Variants in LIPH observed in about 807,000 individuals in gnomAD.
LIPH encodes lipase H.
LIPH carries 32 observed loss-of-function variants against 47.6 expected under a neutral mutation model. That is an observed-to-expected ratio of 0.67 (90% CI 0.51 to 0.90). The LOEUF (loss-of-function observed/expected upper bound fraction) is 0.90. Among genes scored for constraint, LIPH ranks in the 40% least tolerant of loss-of-function variants. The pLI is 0.00. For synonymous variants in LIPH, 190 were observed against 195.6 expected, an observed-to-expected ratio of 0.97 and a Z score of 0.24; for missense variants, 497 against 541.4, an observed-to-expected ratio of 0.92 and a Z score of 0.81.
chr3:185,529,100 T>C (rs1298691649), intron 3 of LIPH, among the ~76,000 whole-genome samples: 3 of 126,580 alleles, frequency 2.4e-5, no homozygotes, highest in Non-Finnish European at 4.7e-5. Context: ...TTGTTTGAAC[T>C]GGGGAGGCAG....
rs1312329298 is a variant in LIPH at position 185,552,560 on chromosome 3, A to G, written c.-89T>C. 2.1e-6 allele frequency: 2 copies of G among 939,504 alleles called. No homozygotes were observed. The highest frequency in any genetic ancestry group is 1.3e-5 in the South Asian group (1 of 76,048). The allele number at this position is 939,504 out of a possible 1,614,324, so 58.2% of individuals were successfully genotyped here. A position where few individuals can be genotyped will look rare whatever the true frequency, so the allele number is the denominator to read the frequency against. On this transcript the variant is annotated 5_prime_UTR_variant, in exon 1 of 10. Coordinates refer to ENST00000296252, the MANE Select transcript of LIPH (RefSeq NM_139248.3). ...GTTTCCACTGTGGGATTTTGCTCAC[A>G]GTGAGCTCAGACGACTCAGAGGTGT...
At chr3:185,516,870 CT>C (rs1300014041) in intron 7 of LIPH, among the ~76,000 whole-genome samples, 196 bp downstream of exon 7, 1 of 152,200 alleles carries the variant, frequency 6.6e-6, no homozygotes, top group Non-Finnish European at 1.5e-5. Flanking sequence ...GACATTGAGA[CT>C]CAGAGAAGTC....
chr3:185,545,026 A>G (rs1176751671), intron 1 of LIPH, among the ~76,000 whole-genome samples: 1 of 151,870 alleles, frequency 6.6e-6, no homozygotes, highest in Non-Finnish European at 1.5e-5. Flanking sequence ...TGTTATTGTT[A>G]TGGTACAAAG....
chr3:185,510,745 A>T (rs1719536417), intron 9 of LIPH, among the ~76,000 whole-genome samples: 2 of 152,180 alleles, frequency 1.3e-5, no homozygotes, highest in African/African-American at 4.8e-5. Flanking sequence ...AAAATACAAA[A>T]TCACAAATAC....
intron 3 of LIPH, among the ~76,000 whole-genome samples, chr3:185,529,906 A>AAAAGAAGAAAGAAAG (rs1720258370): frequency 1.6e-5 from 2 of 122,602 alleles, no homozygotes; most frequent in African/African-American, 3.2e-5. Context: ...AGAGAGAAAG[A>AAAAGAAGAAAGAAAG]AAAGAAAGAA....
At chr3:185,522,676 A>AAG (rs1197680087) in intron 5 of LIPH, among the ~76,000 whole-genome samples, 1 of 151,064 alleles carries the variant, frequency 6.6e-6, no homozygotes, top group Non-Finnish European at 1.5e-5. Flanking sequence ...GAAAGAAAGA[A>AAG]AGAAAGAAAG....
chr3:185,525,012 C>G (rs916261513), intron 4 of LIPH, among the ~76,000 whole-genome samples: 4 of 151,882 alleles, frequency 2.6e-5, no homozygotes, highest in African/African-American at 4.8e-5. Context: ...GTGGGAGAAT[C>G]GAGGCCAGCC....
chr3:185,530,001 G>C (rs966555731), intron 3 of LIPH, among the ~76,000 whole-genome samples: 7 of 151,190 alleles, frequency 4.6e-5, no homozygotes, highest in Non-Finnish European at 7.4e-5. Context: ...AAAATAAGCA[G>C]TGCCTGGCGC....
chr3:185,528,958 T>C (rs1311050209), intron 3 of LIPH, among the ~76,000 whole-genome samples: 2 of 147,528 alleles, frequency 1.4e-5, no homozygotes, highest in East Asian at 2.0e-4. Flanking sequence ...GGACAGGAGA[T>C]TGAGACCATC....
At chr3:185,525,673 G>A (rs900680223) in intron 4 of LIPH, among the ~76,000 whole-genome samples, 2 of 152,074 alleles carry the variant, frequency 1.3e-5, no homozygotes, top group Non-Finnish European at 2.9e-5. Flanking sequence ...CATTAGAAAG[G>A]GCAAAACCTG....
At chr3:185,517,562 C>A (rs1211758325) in intron 6 of LIPH, among the ~76,000 whole-genome samples, 1 of 152,192 alleles carries the variant, frequency 6.6e-6, no homozygotes, top group Non-Finnish European at 1.5e-5. Flanking sequence ...TGAAGAACTA[C>A]AATGGGGCCC....
intron 3 of LIPH, among the ~76,000 whole-genome samples, chr3:185,529,223 AG>A (rs1720231102): frequency 6.7e-6 from 1 of 148,900 alleles, no homozygotes; most frequent in African/African-American, 2.5e-5. Flanking sequence ...GAAAGAAAAA[AG>A]GAAAAAAAAA....
intron 4 of LIPH, 64 bp from the exon 5 acceptor site, chr3:185,524,224 C>T: frequency 1.1e-6 from 1 of 906,674 alleles, no homozygotes; most frequent in East Asian, 2.4e-5. Context: ...AGCTCATTTG[C>T]CTGCCAGGTA....
intron 1 of LIPH, among the ~76,000 whole-genome samples, chr3:185,541,094 C>T (rs1720695041): frequency 6.6e-6 from 1 of 152,186 alleles, no homozygotes; most frequent in Non-Finnish European, 1.5e-5. Context: ...CTTCTACCTC[C>T]TGATTTTTAT....
intron 1 of LIPH, among the ~76,000 whole-genome samples, chr3:185,540,457 C>T (rs1232750298): frequency 6.6e-6 from 1 of 152,152 alleles, no homozygotes; most frequent in Non-Finnish European, 1.5e-5. Context: ...GTGGCTCACT[C>T]CTGTAATCCC....
intron 1 of LIPH, among the ~76,000 whole-genome samples, chr3:185,540,965 C>T (rs1231141582): frequency 6.6e-6 from 1 of 152,190 alleles, no homozygotes; most frequent in Non-Finnish European, 1.5e-5. Context: ...TTTGTCAGAA[C>T]AGCTCTTTCC....
intron 1 of LIPH, among the ~76,000 whole-genome samples, chr3:185,540,234 C>G (rs1720659957): frequency 6.6e-6 from 1 of 152,198 alleles, no homozygotes; most frequent in East Asian, 1.9e-4. Flanking sequence ...CACGACTGAA[C>G]TGAATTCGGC....
intron 3 of LIPH, among the ~76,000 whole-genome samples, chr3:185,528,625 G>T (rs1324829932): frequency 2.6e-5 from 4 of 152,144 alleles, no homozygotes; most frequent in Non-Finnish European, 5.9e-5. Context: ...TCACTGCCCT[G>T]AGTTTAGCAA....
chr3:185,539,590 C>T lies in LIPH; in HGVS notation c.50-4458G>A, dbSNP rs367914043. On this transcript the variant is annotated intron_variant, in intron 1 of 9. Coordinates refer to ENST00000296252, the MANE Select transcript of LIPH (RefSeq NM_139248.3). ...TTCACCTTGTTGGCCAGGCTGGTCT[C>T]GAACTCCAGACTTCAGGCGATCCAC... is the stretch of plus-strand genomic sequence containing the variant. Among the ~76,000 whole-genome samples the T allele has an allele frequency of 3.9e-4, 59 of 151,822 alleles. No homozygotes were observed. The East Asian group carries it at 9.3e-3, about 24-fold the overall frequency.
Sources: allele counts gnomAD v4.1 joint callset (sites outside exome capture counted in the v4.1 genomes callset), GRCh38; gene constraint gnomAD v4.1.1; transcripts MANE v1.5; gene names NCBI Gene and HGNC (gene_info 2026-07-23, HGNC 2026-07-21).